Variants in ULK4 observed in about 807,000 individuals in gnomAD.
ULK4 encodes unc-51 like kinase 4.
In ULK4, 133 loss-of-function variants were observed where a neutral mutation model predicts 160.6. That is an observed-to-expected ratio of 0.83 (90% CI 0.72 to 0.96). ULK4 has a LOEUF of 0.96. ULK4 is among the 40% of genes least tolerant of loss of function. The pLI is 0.00. For synonymous variants in ULK4, 534 were observed against 539.8 expected, an observed-to-expected ratio of 0.99 and a Z score of 0.15; for missense variants, 1,580 against 1,499.5, an observed-to-expected ratio of 1.05 and a Z score of -0.89.
chr3:41,540,167 G>A (rs1002219336), intron 32 of ULK4, among the ~76,000 whole-genome samples: 4 of 151,946 alleles, frequency 2.6e-5, no homozygotes, highest in South Asian at 4.1e-4. Flanking sequence ...CCATCAACCC[G>A]TCATCTACAT....
At chr3:41,794,686 A>AAAAAAAAAAAAAAAAAAAAAAAAAAAAC (rs1553654814) in intron 20 of ULK4, among the ~76,000 whole-genome samples, 1 of 112,382 alleles carries the variant, frequency 8.9e-6, no homozygotes, top group Admixed American at 8.9e-5. Flanking sequence ...AAAAAAAAAA[A>AAAAAAAAAAAAAAAAAAAAAAAAAAAAC]CACAGAAAAA....
At chr3:41,506,773 T>TATATAAATATATATAA (rs1559658130) in intron 32 of ULK4, among the ~76,000 whole-genome samples, 6 of 20,110 alleles carry the variant, frequency 3.0e-4, no homozygotes, top group African/African-American at 7.3e-4. Flanking sequence ...TTAAAATATA[T>TATATAAATATATATAA]ATATATATAT....
chr3:41,917,465 A>AAT (rs147298241), intron 7 of ULK4, among the ~76,000 whole-genome samples: 7 of 151,814 alleles, frequency 4.6e-5, no homozygotes, highest in African/African-American at 1.2e-4. Context: ...CTGTCTCTCA[A>AAT]ATATATATAT....
In ULK4 at chr3:41,859,091, G is replaced by A. The variant is rs1264537140; in HGVS notation, c.1657-23120C>T. Among the ~76,000 whole-genome samples the A allele has an allele frequency of 4.6e-5, 7 of 152,184 alleles. No individual in the cohort carries two copies. The East Asian group carries it at 7.7e-4, about 17-fold the overall frequency. On this transcript the variant is annotated intron_variant, in intron 17 of 36. Coordinates refer to ENST00000301831, the MANE Select transcript of ULK4 (RefSeq NM_017886.4). ...CAGAAGAAGACAATCTTCTATCTCA[G>A]AAGAGTACATAATCATTTTCTGGAG...
intron 35 of ULK4, among the ~76,000 whole-genome samples, chr3:41,392,473 A>G (rs72866662): frequency 0.022 from 3,391 of 152,240 alleles, 142 homozygotes; most frequent in African/African-American, 0.073. Context: ...TGTGATTCAT[A>G]GGGAGGGATC....
intron 34 of ULK4, among the ~76,000 whole-genome samples, chr3:41,431,048 A>C (rs2082891889): frequency 6.6e-6 from 1 of 152,182 alleles, no homozygotes; most frequent in Non-Finnish European, 1.5e-5. Flanking sequence ...TTATCGTACT[A>C]CTGAGTAATA....
At chr3:41,494,861 T>A (rs148567898) in intron 32 of ULK4, among the ~76,000 whole-genome samples, 11,053 of 151,986 alleles carry the variant, frequency 0.073, 561 homozygotes, top group Admixed American at 0.13. Context: ...TACTTAGGAA[T>A]CCAACTCACA....
chr3:41,470,044 A>AAAAAAAAAAAC (rs1415943037), intron 32 of ULK4, among the ~76,000 whole-genome samples: 12 of 116,684 alleles, frequency 1.0e-4, no homozygotes, highest in African/African-American at 1.4e-4. Context: ...AAAAAAAAAA[A>AAAAAAAAAAAC]AACAAAGTAT....
intron 34 of ULK4, among the ~76,000 whole-genome samples, chr3:41,437,336 A>C (rs1455771499): frequency 6.6e-6 from 1 of 152,234 alleles, no homozygotes; most frequent in African/African-American, 2.4e-5. Context: ...TAGAATTTCA[A>C]ATCCTAAATT....
At chr3:41,415,623 A>G (rs568620738) in intron 34 of ULK4, among the ~76,000 whole-genome samples, 110 of 152,328 alleles carry the variant, frequency 7.2e-4, no homozygotes, top group Non-Finnish European at 1.3e-3. Context: ...CTCAGTTCAA[A>G]GGTCACCTCC....
chr3:41,878,087 A>G (rs1288502232), intron 17 of ULK4, among the ~76,000 whole-genome samples: 1 of 151,480 alleles, frequency 6.6e-6, no homozygotes, highest in African/African-American at 2.4e-5. Flanking sequence ...CCAGGAAAAA[A>G]AAAAAAAAAA....
Position 41,327,258 on chromosome 3 carries a change from G to T in ULK4, c.3678+70821C>A, listed in dbSNP as rs377234770. 7.6e-4 allele frequency among the ~76,000 whole-genome samples: 115 copies of T among 152,310 alleles called. 8 individuals are homozygous for T. In the South Asian group the frequency reaches 0.024, roughly 31 times the overall value. ...TATTGGAAGAACGTGTCTTGTTACAGAAAGTCCATAGGGTACTTTCAGGAG... is the reference window on the plus strand; with the variant it reads ...TATTGGAAGAACGTGTCTTGTTACATAAAGTCCATAGGGTACTTTCAGGAG... On this transcript the variant is annotated intron_variant, in intron 35 of 36. Transcript: ENST00000301831.
intron 32 of ULK4, among the ~76,000 whole-genome samples, chr3:41,487,871 A>G (rs929378162): frequency 6.6e-6 from 1 of 152,252 alleles, no homozygotes; most frequent in Non-Finnish European, 1.5e-5. Flanking sequence ...AAATATCCCT[A>G]ATACAAAAAT....
In ULK4 at chr3:41,715,696, C is replaced by T. The variant is rs2037243297; in HGVS notation, c.2456-128G>A. 4 of 1,229,414 alleles carry T rather than the reference C, an allele frequency of 3.3e-6. No individual in the cohort carries two copies. In the African/African-American group the frequency reaches 4.6e-5, roughly 14 times the overall value. 76.2% of individuals were successfully genotyped at this position (1,229,414 alleles called of 1,614,324 possible). A position where few individuals can be genotyped will look rare whatever the true frequency, so the allele number is the denominator to read the frequency against. On this transcript the variant is annotated intron_variant, in intron 23 of 36. Coordinates refer to ENST00000301831, the MANE Select transcript of ULK4 (RefSeq NM_017886.4). ...TCTCCAAATAAAATAAGCAGATATA[C>T]TTATTCACAAGTACTGAAATTACAA... is the stretch of plus-strand genomic sequence containing the variant.
intron 17 of ULK4, among the ~76,000 whole-genome samples, chr3:41,859,164 A>C (rs2683698): frequency 6.6e-6 from 1 of 152,172 alleles, no homozygotes; most frequent in Non-Finnish European, 1.5e-5. Context: ...AAAGTGTAAA[A>C]AAGTGAAGGA....
At chr3:41,438,148 C>G (rs1056531054) in intron 34 of ULK4, among the ~76,000 whole-genome samples, 3 of 146,732 alleles carry the variant, frequency 2.0e-5, no homozygotes, top group Non-Finnish European at 4.5e-5. Flanking sequence ...ACAAGGACAG[C>G]AAAGAAAGGC....
intron 22 of ULK4, among the ~76,000 whole-genome samples, chr3:41,744,077 T>C (rs2038335975): frequency 6.6e-6 from 1 of 151,860 alleles, no homozygotes; most frequent in Admixed American, 6.6e-5. Flanking sequence ...AAGGAAACTA[T>C]GCAAGGTGAT....
At position 41,301,222 on chromosome 3, in the gene ULK4, G is replaced by A. The variant is rs1179950647; in HGVS notation, c.3679-51648C>T. On this transcript the variant is annotated intron_variant, in intron 35 of 36. Coordinates refer to ENST00000301831, the MANE Select transcript of ULK4 (RefSeq NM_017886.4). ...TGGGGAAAAATCAATACCCTGCAGG[G>A]ATGGTGCTGTTGATACAGAGAATAT... is the stretch of plus-strand genomic sequence containing the variant. 2.6e-5 allele frequency among the ~76,000 whole-genome samples: 4 copies of A among 152,060 alleles called. No individual in the cohort carries two copies. The East Asian group carries it at 7.7e-4, about 29-fold the overall frequency.
At chr3:41,500,664 T>C (rs946637915) in intron 32 of ULK4, among the ~76,000 whole-genome samples, 9 of 152,052 alleles carry the variant, frequency 5.9e-5, no homozygotes, top group African/African-American at 2.2e-4. Flanking sequence ...ATACATTCAC[T>C]AGATCCCACA....
Sources: gnomAD v4.1 joint callset for allele counts (sites outside exome capture counted in the v4.1 genomes callset) on GRCh38, gnomAD v4.1.1 for gene constraint, MANE v1.5 for transcripts, NCBI Gene and HGNC (gene_info 2026-07-23, HGNC 2026-07-21) for gene names.